The following NUP155 variants were observed in gnomAD, a reference collection of about 807,000 sequenced individuals.
NUP155 encodes the protein nucleoporin 155.
Under a neutral mutation model 180.4 loss-of-function variants are expected in NUP155, and 71 were observed. The ratio of observed to expected loss-of-function variants is 0.39; its 90% CI spans 0.33 to 0.48. NUP155 has a LOEUF of 0.48. Among genes scored for constraint, NUP155 ranks in the 20% least tolerant of loss-of-function variants. The probability of loss-of-function intolerance (pLI) is 0.91; values close to 1 mark genes in which losing one functional copy is unlikely to be tolerated. For missense variants in NUP155, 1,553 were observed against 1,648.9 expected, an observed-to-expected ratio of 0.94 and a Z score of 1.01; for synonymous variants, 582 against 559.5, an observed-to-expected ratio of 1.04 and a Z score of -0.57.
chr5:37,298,311 G>GAT (rs1180532696), intron 32 of NUP155, among the ~76,000 whole-genome samples: 1 of 151,464 alleles, frequency 6.6e-6, no homozygotes, highest in Non-Finnish European at 1.5e-5. Context: ...AAAAGTAGTT[G>GAT]ATATTCTAAT....
intron 21 of NUP155, among the ~76,000 whole-genome samples, chr5:37,314,805 A>G (rs568620904): frequency 1.7e-3 from 254 of 152,318 alleles, no homozygotes; most frequent in Non-Finnish European, 2.0e-3. Flanking sequence ...CTCCATCTCC[A>G]AAAAAATAAA....
At chr5:37,320,208 C>T (rs1448158214) in intron 20 of NUP155, among the ~76,000 whole-genome samples, 4 of 148,256 alleles carry the variant, frequency 2.7e-5, no homozygotes, top group Non-Finnish European at 4.5e-5. Flanking sequence ...CAGGGCGCAG[C>T]GGCTCATGCC....
intron 6 of NUP155, among the ~76,000 whole-genome samples, chr5:37,350,983 G>A (rs1026645446): frequency 2.0e-5 from 3 of 152,092 alleles, no homozygotes; most frequent in Non-Finnish European, 4.4e-5. Context: ...GTTCCACGAG[G>A]ACATACATAG....
At chr5:37,297,437 G>A (rs573760311) in intron 32 of NUP155, among the ~76,000 whole-genome samples, 2 of 152,220 alleles carry the variant, frequency 1.3e-5, no homozygotes, top group Admixed American at 1.3e-4. Context: ...GGAGTGCAGT[G>A]GTTCGATCTC....
chr5:37,306,780 G>A (rs1249189205), intron 25 of NUP155, among the ~76,000 whole-genome samples: 1 of 151,646 alleles, frequency 6.6e-6, no homozygotes, highest in Non-Finnish European at 1.5e-5. Context: ...TTCTTTTAAG[G>A]ACACACATTT....
rs1486117205 is a variant in NUP155 at position 37,290,078 on chromosome 5, A to G, written c.*1822T>C. On this transcript the variant is annotated 3_prime_UTR_variant, in exon 35 of 35. Coordinates refer to ENST00000231498, the MANE Select transcript of NUP155 (RefSeq NM_153485.3). The stretch of plus-strand genomic sequence containing the variant: ...AGAAGGCAACCCTATGGTCTTGGGA[A>G]AAGACAATAATGGAAGGAAAAATAT... 2 of 152,208 alleles carry G rather than the reference A, an allele frequency of 1.3e-5. No individual in the cohort carries two copies. The highest frequency in any genetic ancestry group is 4.8e-5 in the African/African-American group (2 of 41,454). 9.4% of individuals were successfully genotyped at this position (152,208 alleles called of 1,614,324 possible).
At chr5:37,353,659 T>A (rs1581203303) in intron 4 of NUP155, among the ~76,000 whole-genome samples, 1 of 152,088 alleles carries the variant, frequency 6.6e-6, no homozygotes, top group Admixed American at 6.6e-5. Context: ...CTTGAGGACA[T>A]AGGTTAAATA....
intron 25 of NUP155, among the ~76,000 whole-genome samples, chr5:37,306,023 T>C (rs1040789230): frequency 6.6e-6 from 1 of 152,206 alleles, no homozygotes; most frequent in Non-Finnish European, 1.5e-5. Context: ...ATACAAACCA[T>C]ATACTTTTTC....
chr5:37,349,269 A>G (rs1006313715), intron 7 of NUP155, 24 bp from the exon 8 acceptor site: 15 of 737,176 alleles, frequency 2.0e-5, no homozygotes, highest in Admixed American at 1.2e-4. Context: ...AAAAAAAAAA[A>G]AGAGAAAAAA....
intron 18 of NUP155, chr5:37,327,277 G>T (rs73749019): frequency 6.6e-6 from 2 of 301,056 alleles, no homozygotes; most frequent in African/African-American, 4.4e-5. Context: ...TATCAGTGAG[G>T]CTTCTAGACA....
intron 4 of NUP155, among the ~76,000 whole-genome samples, chr5:37,357,228 A>G (rs1213880362): frequency 1.3e-5 from 2 of 151,748 alleles, no homozygotes; most frequent in Non-Finnish European, 2.9e-5. Context: ...CAACATGGCA[A>G]AACCCCATCT....
At chr5:37,302,245 T>A (rs1353704392) in intron 29 of NUP155, among the ~76,000 whole-genome samples, 1 of 152,184 alleles carries the variant, frequency 6.6e-6, no homozygotes, top group Non-Finnish European at 1.5e-5. Flanking sequence ...ATTATTATTA[T>A]TTTTTGAGAC....
Position 37,310,620 on chromosome 5 carries a change from C to T in NUP155, c.2560G>A (p.Gly854Ser). ...ATATCCTGTAAATGTAAACTAATGC[C>T]ATCAACAGCGGCATTATCTCTGATG... ...CYIRDNAAVD[G>S]ISLHLQDICP... is the part of the protein sequence containing the mutation. Residue 854 changes from glycine (G) to serine (S), a missense_variant, in exon 23 of 35, where the codon GGC becomes AGC. Coordinates refer to ENST00000231498, the MANE Select transcript of NUP155 (RefSeq NM_153485.3). 1 of 1,613,550 alleles carries T rather than the reference C, an allele frequency of 6.2e-7. No individual in the cohort carries two copies. The highest frequency in any genetic ancestry group is 1.1e-5 in the South Asian group (1 of 91,048).
chr5:37,370,871 T>C lies in NUP155; in HGVS notation c.107A>G (p.Glu36Gly). ...GGAAAGGTCCGGGTACATGCGGTCCTCTTGCAACTGACGGTCGATGAGCCG... is the reference window on the plus strand; with the variant it reads ...GGAAAGGTCCGGGTACATGCGGTCCCCTTGCAACTGACGGTCGATGAGCCG... ...AGRLIDRQLQ[E>G]DRMYPDLSEL... The change falls in exon 1 of 35, where the codon GAG becomes GGG. Residue 36 changes from glutamate (E) to glycine (G), a missense_variant. Glu to Gly is a moderately conservative substitution (Grantham distance 98). Coordinates refer to ENST00000231498, the MANE Select transcript of NUP155 (RefSeq NM_153485.3). 1 of 1,614,174 alleles carries C rather than the reference T, an allele frequency of 6.2e-7. No homozygotes were observed. Among genetic ancestry groups the C allele is most frequent in the Non-Finnish European group, 8.5e-7 (1 of 1,180,034 alleles).
intron 7 of NUP155, 52 bp from the exon 8 acceptor site, chr5:37,349,297 C>T (rs1228590577): frequency 1.8e-6 from 1 of 560,950 alleles, no homozygotes. Flanking sequence ...CAAGGATTAA[C>T]AAAGCAAATA....
At chr5:37,328,519 T>G (rs943626939) in intron 16 of NUP155, 99 bp from the exon 17 acceptor site, 3 of 904,672 alleles carry the variant, frequency 3.3e-6, no homozygotes, top group Non-Finnish European at 5.3e-6. Context: ...TTTTTCTTTT[T>G]TTGAGGCAGG....
rs1581129699 is a variant in NUP155 at position 37,298,753 on chromosome 5, G to C, written c.3793+115C>G. 4.2e-6 allele frequency: 3 copies of C among 711,600 alleles called. No homozygotes were observed. The East Asian group carries it at 8.1e-5, about 19-fold the overall frequency. The allele number at this position is 711,600 out of a possible 1,614,324, so 44.1% of individuals were successfully genotyped here. A position where few individuals can be genotyped will look rare whatever the true frequency, so the allele number is the denominator to read the frequency against. On this transcript the variant is annotated intron_variant, in intron 32 of 34. Transcript: ENST00000231498. Reference sequence around the variant, plus strand: ...TCCGGAGAGGCAGAATTAAAGTGCTGAACTAAATAGCAAAGAAACTCTTTA... The same window carrying C: ...TCCGGAGAGGCAGAATTAAAGTGCTCAACTAAATAGCAAAGAAACTCTTTA...
intron 29 of NUP155, among the ~76,000 whole-genome samples, chr5:37,302,278 G>A (rs1356528628): frequency 6.6e-6 from 1 of 152,116 alleles, no homozygotes; most frequent in Non-Finnish European, 1.5e-5. Flanking sequence ...TGTCTCCCAG[G>A]CTGGAATGCA....
intron 4 of NUP155, among the ~76,000 whole-genome samples, chr5:37,356,938 C>T (rs1746866424): frequency 6.6e-6 from 1 of 151,610 alleles, no homozygotes; most frequent in Admixed American, 6.6e-5. Context: ...CAAAACCCTG[C>T]TCTACTAAAA....
Sources: gnomAD v4.1 joint callset for allele counts (sites outside exome capture counted in the v4.1 genomes callset) on GRCh38, gnomAD v4.1.1 for gene constraint, MANE v1.5 for transcripts, NCBI Gene and HGNC (gene_info 2026-07-23, HGNC 2026-07-21) for gene names.